Variants in KIFC3 observed in about 807,000 individuals in gnomAD.
The protein encoded by KIFC3 is kinesin-like protein KIFC3.
Under a neutral mutation model 101.8 loss-of-function variants are expected in KIFC3, and 60 were observed. The observed-to-expected ratio is 0.59, with a 90% CI of 0.48 to 0.73. KIFC3 has a LOEUF of 0.73. Among genes scored for constraint, KIFC3 ranks in the 30% least tolerant of loss-of-function variants. KIFC3 has a pLI of 0.00. For missense variants in KIFC3, 966 were observed against 1,137.1 expected, an observed-to-expected ratio of 0.85 and a Z score of 2.16; for synonymous variants, 476 against 482.7, an observed-to-expected ratio of 0.99 and a Z score of 0.18.
upstream of KIFC3, chr16:57,803,373 C>G (rs1555626257): frequency 1.7e-6 from 1 of 599,372 alleles, no homozygotes; most frequent in South Asian, 1.5e-5. Flanking sequence ...CAATATTCTC[C>G]CTCACTCTCC....
upstream of KIFC3, chr16:57,803,484 C>G (rs2054855065): frequency 2.3e-6 from 1 of 436,960 alleles, no homozygotes; most frequent in South Asian, 1.7e-5. Flanking sequence ...GTACTCTGTC[C>G]CTTCCTGCTT....
At chr16:57,781,296 CAG>C (rs1172186334) in intron 3 of KIFC3, among the ~76,000 whole-genome samples, 1 of 152,148 alleles carries the variant, frequency 6.6e-6, no homozygotes, top group Non-Finnish European at 1.5e-5. Flanking sequence ...GCCTGGGTGA[CAG>C]AGTGAGACCC....
Position 57,862,737 on chromosome 16 carries a change from G to A in KIFC3, c.100C>T (p.Gln34Ter). The change falls in exon 1 of 3, where the codon CAG becomes TAG. Residue 34 changes from glutamine (Q) to a stop codon, truncating the protein, a stop_gained. Transcript: ENST00000563028. LOFTEE classifies it high-confidence loss of function. ...CCCAGCCAGGCCCTTACCTTGCACTGCTCCGGGACACCAGCCTCCAATCTG... is the reference window on the plus strand; with the variant it reads ...CCCAGCCAGGCCCTTACCTTGCACTACTCCGGGACACCAGCCTCCAATCTG... The A allele has an allele frequency of 7.8e-7, 1 of 1,286,488 alleles. No individual in the cohort carries two copies. Among genetic ancestry groups the A allele is most frequent in the Non-Finnish European group, 1.0e-6 (1 of 986,042 alleles). 79.7% of individuals were successfully genotyped at this position (1,286,488 alleles called of 1,614,324 possible).
chr16:57,759,731 AG>A lies in KIFC3; in HGVS notation c.2472del (p.Ser825ArgfsTer103). The A allele has an allele frequency of 6.2e-7, 1 of 1,608,454 alleles. No individual in the cohort carries two copies. The highest frequency in any genetic ancestry group is 1.7e-5 in the Admixed American group (1 of 59,410). Reference protein sequence around the residue: ...RPGSIRRKLQPSA With the variant: ...RPGSIRRKLQXSA ...CACACTGCCACTCCAGGCTCACCCG[AG>A]GGCTGCAGCTTCCTCCGGATGGATC... On this transcript the variant is annotated frameshift_variant, in exon 18 of 20. Coordinates refer to ENST00000445690, the MANE Select transcript of KIFC3 (RefSeq NM_001130100.2). LOFTEE classifies it high-confidence loss of function.
intron 3 of KIFC3, chr16:57,785,506 G>A (rs782140183): frequency 5.7e-5 from 74 of 1,288,990 alleles, no homozygotes; most frequent in African/African-American, 2.4e-4. Context: ...GGTCACTGTC[G>A]CGGAGGGCCA....
intron 3 of KIFC3, chr16:57,785,535 C>A: frequency 7.8e-7 from 1 of 1,288,940 alleles, no homozygotes; most frequent in South Asian, 1.2e-5. Flanking sequence ...TGTAGGACCA[C>A]CAGCTCCTCC....
Position 57,769,473 on chromosome 16 carries a change from G to T in KIFC3, c.1218+122C>A. On this transcript the variant is annotated intron_variant, in intron 9 of 19. Coordinates refer to ENST00000445690, the MANE Select transcript of KIFC3 (RefSeq NM_001130100.2). This position sits in a 1 kb window ranked among gnomAD's most constrained non-coding sequence, Gnocchi z 4.3. Reference sequence around the variant, plus strand: ...GGCAGCAGTAAGTGTCATGGGGGGTGGGGCAGGGGCTGCTGTCTGAGCGGC... The same window carrying T: ...GGCAGCAGTAAGTGTCATGGGGGGTTGGGCAGGGGCTGCTGTCTGAGCGGC... 1 of 1,239,496 alleles carries T rather than the reference G, an allele frequency of 8.1e-7. No homozygotes were observed. The highest frequency in any genetic ancestry group is 1.1e-6 in the Non-Finnish European group (1 of 901,244). The allele number at this position is 1,239,496 out of a possible 1,614,324, so 76.8% of individuals were successfully genotyped here.
chr16:57,764,573 C>T (rs968297123), intron 11 of KIFC3, among the ~76,000 whole-genome samples: 44 of 152,252 alleles, frequency 2.9e-4, no homozygotes, highest in Admixed American at 7.8e-4. Flanking sequence ...CCTGGGCCTG[C>T]CTGCCAGCCA....
At chr16:57,800,553 T>C (rs756960320) in intron 1 of KIFC3, among the ~76,000 whole-genome samples, 1 of 152,138 alleles carries the variant, frequency 6.6e-6, no homozygotes, top group African/African-American at 2.4e-5. Flanking sequence ...GTGCAGGGCA[T>C]TGGAGGCTGA....
upstream of KIFC3, among the ~76,000 whole-genome samples, chr16:57,805,877 T>C (rs782771967): frequency 5.9e-5 from 9 of 152,090 alleles, no homozygotes; most frequent in Non-Finnish European, 1.3e-4. Context: ...TGTTTTGCCA[T>C]GTTGGCCAGG....
In KIFC3 at chr16:57,760,796, CG is replaced by C. The variant is rs1567926419; in HGVS notation, c.2161del (p.Arg721AlafsTer68). 6.2e-7 allele frequency: 1 copy of C among 1,613,788 alleles called. No individual in the cohort carries two copies. Among genetic ancestry groups the C allele is most frequent in the Admixed American group, 1.7e-5 (1 of 60,028 alleles). On this transcript the variant is annotated frameshift_variant, in exon 16 of 20. Transcript: ENST00000445690. LOFTEE classifies it high-confidence loss of function. ...LRSRQGHVPF[R>X]NSKLTYLLQD... ...CAGCAGGTAGGTGAGCTTGGAGTTG[CG>C]GAAGGGCACGTGGCCCTGGCGGGAG... is the stretch of plus-strand genomic sequence containing the variant.
chr16:57,811,854 G>T (rs1472458848), intron 1 of KIFC3, among the ~76,000 whole-genome samples: 1 of 149,134 alleles, frequency 6.7e-6, no homozygotes, highest in Non-Finnish European at 1.5e-5. Context: ...GGCAGAGGTT[G>T]CAGTGAGCCG....
At chr16:57,837,229 AGGCCGAGACG>A (rs2055704005) in intron 1 of KIFC3, among the ~76,000 whole-genome samples, 1 of 152,100 alleles carries the variant, frequency 6.6e-6, no homozygotes. Context: ...GCACATTGGG[AGGCCGAGACG>A]GGTGGATTGC....
At chr16:57,809,833 C>T (rs2055023691) in intron 1 of KIFC3, among the ~76,000 whole-genome samples, 1 of 152,160 alleles carries the variant, frequency 6.6e-6, no homozygotes, top group Non-Finnish European at 1.5e-5. Flanking sequence ...CTGGAATTCT[C>T]GCCCTGGCTG....
upstream of KIFC3, among the ~76,000 whole-genome samples, chr16:57,804,464 CAT>C (rs1461494646): frequency 1.3e-5 from 2 of 152,146 alleles, no homozygotes; most frequent in African/African-American, 4.8e-5. Context: ...CTATCAGATG[CAT>C]ATGGGTATAA....
chr16:57,841,523 C>T (rs2055809249), intron 1 of KIFC3, among the ~76,000 whole-genome samples: 1 of 152,104 alleles, frequency 6.6e-6, no homozygotes, highest in African/African-American at 2.4e-5. Context: ...AAAAATTAGC[C>T]AGGCCTGGTG....
chr16:57,821,148 G>A (rs1313477853), intron 1 of KIFC3, among the ~76,000 whole-genome samples: 3 of 141,232 alleles, frequency 2.1e-5, no homozygotes, highest in African/African-American at 7.9e-5. Flanking sequence ...AAAAAAGGGA[G>A]GACTATGGAG....
intron 3 of KIFC3, chr16:57,788,636 C>T (rs1230129510): frequency 7.8e-6 from 10 of 1,289,492 alleles, no homozygotes; most frequent in Middle Eastern, 2.1e-4. Context: ...GCCTGGGGGC[C>T]GGCGCCTGTC....
chr16:57,819,848 C>T (rs1289706911), intron 1 of KIFC3, among the ~76,000 whole-genome samples: 2 of 150,752 alleles, frequency 1.3e-5, no homozygotes, highest in Admixed American at 1.3e-4. Context: ...CGTGAGCCAC[C>T]GTGCCTGGCC....
Sources: gnomAD v4.1 joint callset for allele counts (sites outside exome capture counted in the v4.1 genomes callset) on GRCh38, gnomAD v4.1.1 for gene constraint, Gnocchi (gnomAD v3.1) non-coding constraint, MANE v1.5 for transcripts, NCBI Gene and HGNC (gene_info 2026-07-23, HGNC 2026-07-21) for gene names.